Variants in RIMS2 observed in about 807,000 individuals in gnomAD.
The protein encoded by RIMS2 is regulating synaptic membrane exocytosis 2.
A neutral mutation model predicts 174.4 loss-of-function variants in RIMS2; 59 were observed. That is an observed-to-expected ratio of 0.34 (90% CI 0.27 to 0.42). RIMS2 has a LOEUF of 0.42. RIMS2 is among the 10% of genes least tolerant of loss of function. The pLI is 1.00. For synonymous variants in RIMS2, 606 were observed against 572.5 expected, an observed-to-expected ratio of 1.06 and a Z score of -0.84; for missense variants, 1,620 against 1,666.3, an observed-to-expected ratio of 0.97 and a Z score of 0.48.
chr8:104,124,928 A>G (rs7464325), intron 19 of RIMS2, among the ~76,000 whole-genome samples: 86,217 of 152,012 alleles, frequency 0.57, 27,344 homozygotes, highest in East Asian at 0.92. Context: ...GTCTATAGAT[A>G]TTTTATCATT....
At chr8:104,131,976 T>C (rs2098477651) in intron 19 of RIMS2, among the ~76,000 whole-genome samples, 1 of 152,180 alleles carries the variant, frequency 6.6e-6, no homozygotes, top group African/African-American at 2.4e-5. Flanking sequence ...TGAAAGAATG[T>C]GTGAAAGATG....
intron 17 of RIMS2, among the ~76,000 whole-genome samples, chr8:104,011,448 C>T: frequency 6.6e-6 from 1 of 151,992 alleles, no homozygotes; most frequent in Non-Finnish European, 1.5e-5. Flanking sequence ...TATAACGAGA[C>T]ATTTTTTGTA....
At chr8:104,028,836 CG>C (rs1195766769) in intron 19 of RIMS2, among the ~76,000 whole-genome samples, 1 of 152,124 alleles carries the variant, frequency 6.6e-6, no homozygotes, top group African/African-American at 2.4e-5. Flanking sequence ...AGAGGATTCT[CG>C]TATCTCAAAC....
intron 15 of RIMS2, among the ~76,000 whole-genome samples, chr8:103,964,340 G>A (rs2091157599): frequency 6.6e-6 from 1 of 152,154 alleles, no homozygotes; most frequent in Admixed American, 6.6e-5. Flanking sequence ...ATTTGGTGTT[G>A]TCAGTGTTCT....
chr8:104,034,462 C>CTTT (rs200907072), intron 19 of RIMS2, among the ~76,000 whole-genome samples: 4 of 118,342 alleles, frequency 3.4e-5, no homozygotes, highest in Non-Finnish European at 7.2e-5. Flanking sequence ...CTTGCAGTAT[C>CTTT]TTTTTTTTTT....
chr8:104,156,215 C>T (rs1432183049), intron 19 of RIMS2, among the ~76,000 whole-genome samples: 2 of 152,224 alleles, frequency 1.3e-5, no homozygotes, highest in Non-Finnish European at 2.9e-5. Context: ...TTTCTGTAGT[C>T]ATCCAGGGCT....
intron 19 of RIMS2, among the ~76,000 whole-genome samples, chr8:104,155,342 G>A (rs1260701191): frequency 2.0e-5 from 3 of 150,436 alleles, no homozygotes; most frequent in Admixed American, 1.3e-4. Context: ...TCCTGACCTC[G>A]TGATCTGCCC....
intron 1 of RIMS2, among the ~76,000 whole-genome samples, chr8:103,597,200 A>G (rs2094511066): frequency 6.6e-6 from 1 of 152,176 alleles, no homozygotes; most frequent in Non-Finnish European, 1.5e-5. Flanking sequence ...AGCATAATAG[A>G]TAATGACCAT....
intron 1 of RIMS2, chr8:103,568,943 C>T (rs1020914991): frequency 1.7e-5 from 13 of 774,144 alleles, no homozygotes; most frequent in Non-Finnish European, 2.0e-5. Flanking sequence ...GATCTGAAAG[C>T]GAGTTCATGG....
chr8:103,655,356 G>A (rs2096515605), intron 1 of RIMS2, among the ~76,000 whole-genome samples: 1 of 151,914 alleles, frequency 6.6e-6, no homozygotes, highest in Non-Finnish European at 1.5e-5. Context: ...TATAAAACAA[G>A]CCTCTGGATA....
intron 15 of RIMS2, among the ~76,000 whole-genome samples, chr8:103,968,998 G>GT: frequency 6.6e-6 from 1 of 151,836 alleles, no homozygotes; most frequent in South Asian, 2.1e-4. Flanking sequence ...TAGGTTGGTG[G>GT]TTTTTTTCTT....
chr8:103,574,201 G>A (rs1349005981), intron 1 of RIMS2, among the ~76,000 whole-genome samples: 2 of 151,934 alleles, frequency 1.3e-5, no homozygotes, highest in Non-Finnish European at 2.9e-5. Context: ...TCACTTACTG[G>A]ATGCTATTCA....
At chr8:103,905,775 C>CTTTTTTTTTTT (rs60157494) in intron 4 of RIMS2, among the ~76,000 whole-genome samples, 16 of 122,000 alleles carry the variant, frequency 1.3e-4, no homozygotes, top group East Asian at 2.5e-4. Flanking sequence ...ATTTTCTTTT[C>CTTTTTTTTTTT]TTTTTTTTTT....
intron 3 of RIMS2, among the ~76,000 whole-genome samples, chr8:103,788,876 G>A (rs992015061): frequency 3.3e-5 from 5 of 152,140 alleles, no homozygotes; most frequent in African/African-American, 7.2e-5. Context: ...CAGCCTCGCC[G>A]CCGCCTTGCA....
At chr8:103,998,592 A>G (rs1292854817) in intron 17 of RIMS2, among the ~76,000 whole-genome samples, 2 of 151,730 alleles carry the variant, frequency 1.3e-5, no homozygotes, top group Non-Finnish European at 3.0e-5. Flanking sequence ...CTTCCTCAGC[A>G]GAGTCCATAA....
intron 3 of RIMS2, among the ~76,000 whole-genome samples, chr8:103,826,659 TC>T (rs2098792794): frequency 1.3e-5 from 2 of 150,226 alleles, no homozygotes; most frequent in South Asian, 2.1e-4. Context: ...GGTTATATAG[TC>T]CAGGTCTTCT....
At chr8:104,207,898 G>A (rs904130382) in intron 19 of RIMS2, among the ~76,000 whole-genome samples, 1 of 151,186 alleles carries the variant, frequency 6.6e-6, no homozygotes, top group Non-Finnish European at 1.5e-5. Flanking sequence ...GCATAAATGA[G>A]ACACAGGTTC....
At chr8:103,560,122 C>G (rs2091343538) in intron 1 of RIMS2, among the ~76,000 whole-genome samples, 1 of 152,118 alleles carries the variant, frequency 6.6e-6, no homozygotes, top group Non-Finnish European at 1.5e-5. Flanking sequence ...CAAAATAGTT[C>G]AGAACAATAA....
At chr8:103,589,166 C>G (rs769571431) in intron 1 of RIMS2, among the ~76,000 whole-genome samples, 12 of 151,490 alleles carry the variant, frequency 7.9e-5, no homozygotes, top group Non-Finnish European at 1.6e-4. Context: ...AAAGACTCCA[C>G]AAGAAAACTA....
Sources: allele counts gnomAD v4.1 joint callset (sites outside exome capture counted in the v4.1 genomes callset), GRCh38; gene constraint gnomAD v4.1.1; transcripts MANE v1.5; gene names NCBI Gene and HGNC (gene_info 2026-07-23, HGNC 2026-07-21).